CNTNAP2: variants seen among roughly 807,000 people sequenced by gnomAD.
CNTNAP2 encodes the protein contactin associated protein 2.
A neutral mutation model predicts 155.2 loss-of-function variants in CNTNAP2; 98 were observed. That is an observed-to-expected ratio of 0.63 (90% confidence interval 0.54 to 0.75). The LOEUF (loss-of-function observed/expected upper bound fraction) is 0.75. Among genes scored for constraint, CNTNAP2 ranks in the 30% least tolerant of loss-of-function variants. The pLI is 0.00. For synonymous variants in CNTNAP2, 651 were observed against 631.2 expected, an observed-to-expected ratio of 1.03 and a Z score of -0.47; for missense variants, 1,727 against 1,688.1, an observed-to-expected ratio of 1.02 and a Z score of -0.40.
At chr7:147,928,693 A>G (rs144210356) in intron 14 of CNTNAP2, among the ~76,000 whole-genome samples, 346 of 152,242 alleles carry the variant, frequency 2.3e-3, no homozygotes, top group African/African-American at 8.0e-3. Flanking sequence ...TTACTCTCAC[A>G]CTTGGAACTG....
chr7:146,389,223 T>TCA (rs3050929), intron 1 of CNTNAP2, among the ~76,000 whole-genome samples: 1,870 of 133,276 alleles, frequency 0.014, 19 homozygotes, highest in East Asian at 0.041. Flanking sequence ...TAGGAAATAG[T>TCA]CACACACACA....
intron 12 of CNTNAP2, 58 bp downstream of exon 12, chr7:147,562,315 AG>A (rs1800079758): frequency 1.2e-6 from 2 of 1,605,588 alleles, no homozygotes; most frequent in Non-Finnish European, 1.7e-6. Context: ...ACGAATAAGT[AG>A]TTCCACCAAT....
At chr7:147,337,116 A>G (rs889673186) in intron 9 of CNTNAP2, among the ~76,000 whole-genome samples, 2 of 152,192 alleles carry the variant, frequency 1.3e-5, no homozygotes. Context: ...GTCCACTTGC[A>G]TAAGTCAAGA....
At chr7:147,468,256 C>A (rs1212572435) in intron 10 of CNTNAP2, among the ~76,000 whole-genome samples, 1 of 152,084 alleles carries the variant, frequency 6.6e-6, no homozygotes, top group Non-Finnish European at 1.5e-5. Context: ...CCACTACAGT[C>A]CAGTCTGAGA....
At chr7:147,225,742 A>AGAAGGAAGGAAGGAAGGAAGGAAG (rs56768185) in intron 8 of CNTNAP2, among the ~76,000 whole-genome samples, 2 of 103,788 alleles carry the variant, frequency 1.9e-5, no homozygotes, top group Admixed American at 1.1e-4. Flanking sequence ...TAGGAAGGAA[A>AGAAGGAAGGAAGGAAGGAAGGAAG]GAAGGAAGGA....
chr7:148,370,632 T>A (rs1264461245), intron 21 of CNTNAP2, among the ~76,000 whole-genome samples: 1 of 133,316 alleles, frequency 7.5e-6, no homozygotes, highest in Admixed American at 7.1e-5. Context: ...GCATGGCTGG[T>A]CCCCCCCTAC....
At chr7:146,287,254 G>A (rs1004389235) in intron 1 of CNTNAP2, among the ~76,000 whole-genome samples, 3 of 152,148 alleles carry the variant, frequency 2.0e-5, no homozygotes, top group Non-Finnish European at 4.4e-5. Flanking sequence ...ACTCACGTGA[G>A]ATCAATTTGT....
At chr7:147,862,713 G>A (rs1799157297) in intron 13 of CNTNAP2, among the ~76,000 whole-genome samples, 1 of 151,994 alleles carries the variant, frequency 6.6e-6, no homozygotes, top group East Asian at 1.9e-4. Flanking sequence ...AAAGGTATTT[G>A]TTACCAAAAT....
intron 13 of CNTNAP2, among the ~76,000 whole-genome samples, chr7:147,878,972 C>T (rs572523683): frequency 8.5e-5 from 13 of 152,266 alleles, no homozygotes; most frequent in African/African-American, 2.4e-4. Flanking sequence ...GACTCTGTTA[C>T]GGTTTTCACA....
intron 2 of CNTNAP2, among the ~76,000 whole-genome samples, chr7:146,810,459 A>C (rs540785044): frequency 6.6e-6 from 1 of 151,910 alleles, no homozygotes; most frequent in South Asian, 2.1e-4. Context: ...TATCATGGGA[A>C]CATTTTCTTA....
chr7:146,215,089 C>T (rs746176153), intron 1 of CNTNAP2, among the ~76,000 whole-genome samples: 59 of 152,238 alleles, frequency 3.9e-4, no homozygotes, highest in African/African-American at 1.4e-3. Flanking sequence ...ATAAATATTA[C>T]GTACATGGAA....
intron 10 of CNTNAP2, among the ~76,000 whole-genome samples, chr7:147,412,744 G>T (rs1296160809): frequency 6.6e-6 from 1 of 152,150 alleles, no homozygotes; most frequent in Non-Finnish European, 1.5e-5. Context: ...GAGTGAAATA[G>T]AATTAAAACT....
Position 148,283,261 on chromosome 7 carries a change from AAG to A in CNTNAP2, c.3475+16137_3475+16138del, listed in dbSNP as rs552361628. ...TCTCAAAAAAAAAAAAAAAAAAAGAAAGAAAGAAAGAAAGAAAGAAAGAAAGA... is the reference window on the plus strand; with the variant it reads ...TCTCAAAAAAAAAAAAAAAAAAAGAAAAAGAAAGAAAGAAAGAAAGAAAGA... On this transcript the variant is annotated intron_variant, in intron 21 of 23. Transcript: ENST00000361727. Among the ~76,000 whole-genome samples the A allele has an allele frequency of 8.2e-3, 523 of 63,998 alleles. 22 individuals carry two copies. Among genetic ancestry groups the A allele is most frequent in the African/African-American group, 0.034 (498 of 14,634 alleles). 42.0% of individuals were successfully genotyped at this position (63,998 alleles called of 152,430 possible). A position where few individuals can be genotyped will look rare whatever the true frequency, so the allele number is the denominator to read the frequency against.
chr7:147,882,238 G>A (rs1799533517), intron 13 of CNTNAP2, among the ~76,000 whole-genome samples: 1 of 152,200 alleles, frequency 6.6e-6, no homozygotes. Context: ...AGAGCCTGAG[G>A]AAGAAATGGA....
At chr7:147,835,267 A>G (rs1047223515) in intron 13 of CNTNAP2, among the ~76,000 whole-genome samples, 22 of 152,246 alleles carry the variant, frequency 1.4e-4, no homozygotes, top group African/African-American at 4.8e-4. Context: ...ATGGTCAAGA[A>G]AAAGTGAGCA....
intron 4 of CNTNAP2, among the ~76,000 whole-genome samples, chr7:147,091,124 C>A (rs940677121): frequency 3.9e-5 from 6 of 151,996 alleles, no homozygotes; most frequent in Non-Finnish European, 7.3e-5. Flanking sequence ...AACGCCCCAT[C>A]GGATGATCAT....
At chr7:147,888,472 C>G (rs1168741470) in intron 13 of CNTNAP2, among the ~76,000 whole-genome samples, 2 of 151,766 alleles carry the variant, frequency 1.3e-5, no homozygotes, top group Non-Finnish European at 2.9e-5. Context: ...AGATCACAAC[C>G]AATCAATACA....
chr7:147,612,540 A>G (rs1337066432), intron 12 of CNTNAP2, among the ~76,000 whole-genome samples: 2 of 151,412 alleles, frequency 1.3e-5, no homozygotes, highest in Non-Finnish European at 2.9e-5. Context: ...AGCTGGGATT[A>G]CAGGCATGCA....
At chr7:148,331,184 AAT>A (rs1797997493) in intron 21 of CNTNAP2, among the ~76,000 whole-genome samples, 1 of 144,492 alleles carries the variant, frequency 6.9e-6, no homozygotes, top group Non-Finnish European at 1.5e-5. Flanking sequence ...GGATGGATGG[AAT>A]GGATGGACGG....
Sources: allele counts gnomAD v4.1 joint callset (sites outside exome capture counted in the v4.1 genomes callset), GRCh38; gene constraint gnomAD v4.1.1; transcripts MANE v1.5; gene names NCBI Gene and HGNC (gene_info 2026-07-23, HGNC 2026-07-21).